The following EEA1 variants were observed in gnomAD, a reference collection of about 807,000 sequenced individuals.
EEA1 encodes early endosome antigen 1, 162kD.
EEA1 carries 111 observed loss-of-function variants against 209.2 expected under a neutral mutation model. The ratio of observed to expected loss-of-function variants is 0.53; its 90% confidence interval spans 0.45 to 0.62. The LOEUF is 0.62. Ranked by LOEUF, EEA1 falls within the 20% of genes least tolerant of loss-of-function variation. The pLI, the probability that EEA1 is intolerant of heterozygous loss-of-function variation, is 0.00. For synonymous variants in EEA1, 536 were observed against 540.6 expected (o/e 0.99, Z 0.12); for missense variants, 1,343 against 1,530.8 (o/e 0.88, Z 2.05).
chr12:92,780,172 C>T, intron 24 of EEA1, 108 bp downstream of exon 24: 1 of 1,227,506 alleles, frequency 8.1e-7, no homozygotes, highest in South Asian at 1.5e-5. Context: ...AACAATTTGC[C>T]TAGCACATAG....
intron 5 of EEA1, among the ~76,000 whole-genome samples, chr12:92,855,919 A>C (rs1002856716): frequency 2.6e-5 from 4 of 152,366 alleles, no homozygotes; most frequent in Non-Finnish European, 5.9e-5. Flanking sequence ...GCATCTATAT[A>C]AAACATGAGT....
intron 19 of EEA1, among the ~76,000 whole-genome samples, chr12:92,802,142 TAAC>T (rs935059984): frequency 1.4e-4 from 22 of 152,070 alleles, no homozygotes; most frequent in Admixed American, 1.4e-3. Context: ...GAAAAGAACA[TAAC>T]AACACACATG....
At chr12:92,856,949 T>G (rs1160640727) in intron 5 of EEA1, among the ~76,000 whole-genome samples, 1 of 151,878 alleles carries the variant, frequency 6.6e-6, no homozygotes, top group Non-Finnish European at 1.5e-5. Context: ...TTTTTAAATT[T>G]TTTGTAGAGA....
chr12:92,782,946 G>A (rs1352026824), intron 22 of EEA1, among the ~76,000 whole-genome samples: 2 of 152,192 alleles, frequency 1.3e-5, no homozygotes, highest in Non-Finnish European at 1.5e-5. Context: ...GAGCCTGGAG[G>A]GTGGCATGCC....
intron 2 of EEA1, among the ~76,000 whole-genome samples, chr12:92,873,592 C>T (rs1389143762): frequency 6.6e-6 from 1 of 152,104 alleles, no homozygotes; most frequent in Non-Finnish European, 1.5e-5. Context: ...ATCAAAGTCA[C>T]TTAGAATAGC....
chr12:92,895,717 C>G (rs971748662), intron 1 of EEA1, among the ~76,000 whole-genome samples: 1 of 151,962 alleles, frequency 6.6e-6, no homozygotes, highest in African/African-American at 2.4e-5. Flanking sequence ...CTATAACTAC[C>G]ATAGATAGTG....
intron 5 of EEA1, among the ~76,000 whole-genome samples, chr12:92,854,185 T>C (rs1490159766): frequency 1.3e-5 from 2 of 152,224 alleles, no homozygotes; most frequent in African/African-American, 4.8e-5. Flanking sequence ...GATTTTTTTG[T>C]ATGTTAATAT....
chr12:92,804,571 C>CAAAAAAAAAAAAAAA (rs1195692496), intron 18 of EEA1, among the ~76,000 whole-genome samples: 2 of 47,738 alleles, frequency 4.2e-5, no homozygotes, highest in African/African-American at 6.8e-5. Context: ...GACTCTGTCT[C>CAAAAAAAAAAAAAAA]AAAAAAAAAA....
chr12:92,873,075 T>C (rs778514294), intron 2 of EEA1, among the ~76,000 whole-genome samples: 6 of 152,194 alleles, frequency 3.9e-5, no homozygotes, highest in Non-Finnish European at 8.8e-5. Flanking sequence ...GTGTCAAAAA[T>C]AGATGTGGAC....
chr12:92,830,750 A>G (rs372421046), intron 11 of EEA1, among the ~76,000 whole-genome samples: 13 of 152,322 alleles, frequency 8.5e-5, no homozygotes, highest in African/African-American at 3.1e-4. Context: ...AGTGCATGTC[A>G]TAACAAGGGA....
intron 1 of EEA1, 33 bp from the exon 2 acceptor site, chr12:92,891,754 C>T: frequency 7.0e-7 from 1 of 1,418,898 alleles, no homozygotes; most frequent in Non-Finnish European, 9.8e-7. Flanking sequence ...GAAAAAAAAA[C>T]AAAGCAGACA....
Position 92,779,204 on chromosome 12 carries a change from C to T in EEA1, c.3565G>A (p.Glu1189Lys). 1 of 1,611,826 alleles carries T rather than the reference C, an allele frequency of 6.2e-7. No homozygotes were observed. Among genetic ancestry groups the T allele is most frequent in the African/African-American group, 1.3e-5 (1 of 74,872 alleles). ...TTTAGTATCTGCTGATTTCTCTTCT[C>T]CTGTTCAACAGCTGCCTTCAGGGAG... Reference protein sequence around the residue: ...ADSLKAAVEQEKRNQQILKDQ... With the variant: ...ADSLKAAVEQKKRNQQILKDQ... The change falls in exon 25 of 29, where the codon GAG (glutamate) becomes AAG (lysine). Residue 1189 changes from glutamate (E) to lysine (K), a missense_variant. Glu to Lys is a moderately conservative substitution (Grantham distance 56). Transcript: ENST00000322349.
chr12:92,859,386 G>C (rs1878030815), intron 3 of EEA1: 1 of 671,406 alleles, frequency 1.5e-6, no homozygotes, highest in African/African-American at 1.8e-5. Flanking sequence ...TTCAGCACCT[G>C]ATCAGTTGTA....
chr12:92,845,414 ACAAAAAGTAAATACAATCCCTCTT>A (rs1188507948), intron 9 of EEA1, among the ~76,000 whole-genome samples: 8 of 152,202 alleles, frequency 5.3e-5, no homozygotes, highest in Admixed American at 2.0e-4. Flanking sequence ...ATTACAAAAG[ACAAAAAGTAAATACAATCCCTCTT>A]CAGATATCAC....
At chr12:92,914,043 T>G (rs985000686) in intron 1 of EEA1, among the ~76,000 whole-genome samples, 1 of 152,238 alleles carries the variant, frequency 6.6e-6, no homozygotes, top group Admixed American at 6.5e-5. Flanking sequence ...TTCATTCTTC[T>G]GCATATGGCT....
chr12:92,922,783 T>C (rs1279847939), intron 1 of EEA1, among the ~76,000 whole-genome samples: 4 of 150,756 alleles, frequency 2.7e-5, no homozygotes, highest in Non-Finnish European at 4.4e-5. Flanking sequence ...TGAAACCCCA[T>C]CTCTACTAAA....
intron 5 of EEA1, among the ~76,000 whole-genome samples, chr12:92,856,634 A>G (rs1877893481): frequency 6.6e-6 from 1 of 151,932 alleles, no homozygotes; most frequent in African/African-American, 2.4e-5. Flanking sequence ...GTCATTATCA[A>G]TTTGTCAGAA....
At chr12:92,899,888 T>C (rs571777840) in intron 1 of EEA1, among the ~76,000 whole-genome samples, 27 of 152,310 alleles carry the variant, frequency 1.8e-4, no homozygotes, top group Admixed American at 1.4e-3. Flanking sequence ...CACATGACTC[T>C]TGGGTGTCTC....
intron 10 of EEA1, among the ~76,000 whole-genome samples, chr12:92,840,731 A>C (rs1877130844): frequency 6.6e-6 from 1 of 152,252 alleles, no homozygotes; most frequent in Admixed American, 6.5e-5. Context: ...TAATCAAAAC[A>C]GTGTGGTACT....
Sources: gnomAD v4.1 joint callset for allele counts (sites outside exome capture counted in the v4.1 genomes callset) on GRCh38, gnomAD v4.1.1 for gene constraint, MANE v1.5 for transcripts, NCBI Gene and HGNC (gene_info 2026-07-23, HGNC 2026-07-21) for gene names.